CHD1: variants seen among roughly 807,000 people sequenced by gnomAD.
The protein encoded by CHD1 is chromodomain helicase DNA binding protein 1.
Under a neutral mutation model 224.2 loss-of-function variants are expected in CHD1, and 36 were observed. The observed-to-expected ratio is 0.16, with a 90% confidence interval of 0.12 to 0.21. CHD1 has a LOEUF of 0.21. CHD1 is among the 10% of genes least tolerant of loss of function. The probability of loss-of-function intolerance (pLI) is 1.00; values close to 1 mark genes in which losing one functional copy is unlikely to be tolerated. For synonymous variants in CHD1, 668 were observed against 658.3 expected, an observed-to-expected ratio of 1.01 and a Z score of -0.23; for missense variants, 1,378 against 1,994.8, an observed-to-expected ratio of 0.69 and a Z score of 5.89.
At chr5:98,880,278 CTG>C (rs1435424774) in intron 22 of CHD1, among the ~76,000 whole-genome samples, 1 of 152,214 alleles carries the variant, frequency 6.6e-6, no homozygotes, top group Non-Finnish European at 1.5e-5. Flanking sequence ...TGGCTCACGC[CTG>C]TGATTCCAGA....
At position 98,907,286 on chromosome 5, in the gene CHD1, C is replaced by T. The variant is rs916874445; in HGVS notation, c.54-2188G>A. ...TATTTTATTGAGTTGTTCTTTAGTA[C>T]GATAAAGAATATGCAAAAAGAGCTG... On this transcript the variant is annotated intron_variant, in intron 2 of 35. Transcript: ENST00000614616. Among the ~76,000 whole-genome samples, 9 of 152,018 alleles carry T rather than the reference C, an allele frequency of 5.9e-5. No homozygotes were observed. The East Asian group carries it at 9.6e-4, about 16-fold the overall frequency.
At chr5:98,902,858 A>T (rs753050785) in intron 5 of CHD1, 42 bp downstream of exon 5, 1 of 1,253,534 alleles carries the variant, frequency 8.0e-7, no homozygotes, top group Admixed American at 2.0e-5. Flanking sequence ...AATAATCAGG[A>T]TTTTTCTAAA....
intron 2 of CHD1, among the ~76,000 whole-genome samples, chr5:98,916,162 A>G (rs1159717659): frequency 6.6e-6 from 1 of 152,150 alleles, no homozygotes; most frequent in Non-Finnish European, 1.5e-5. Context: ...ACTGCACTCC[A>G]GCCTAGGCAA....
chr5:98,862,891 A>C (rs1227765065), intron 32 of CHD1, among the ~76,000 whole-genome samples: 1 of 152,232 alleles, frequency 6.6e-6, no homozygotes, highest in African/African-American at 2.4e-5. Context: ...CACTAATAAA[A>C]GTAGAGAAGA....
intron 15 of CHD1, among the ~76,000 whole-genome samples, chr5:98,891,943 T>C (rs538962334): frequency 2.0e-4 from 30 of 152,368 alleles, no homozygotes; most frequent in African/African-American, 7.2e-4. Context: ...AAGTATATTC[T>C]TTCAAATGTA....
chr5:98,885,878 AT>A, intron 17 of CHD1: 1 of 450,954 alleles, frequency 2.2e-6, no homozygotes, highest in Non-Finnish European at 3.9e-6. Flanking sequence ...CTGTCATACT[AT>A]TCTGCCTGAG....
At position 98,928,325 on chromosome 5, in the gene CHD1, G is replaced by A. The variant is rs577272122; in HGVS notation, c.-149+214C>T. 3.9e-3 allele frequency among the ~76,000 whole-genome samples: 594 copies of A among 152,154 alleles called. 5 individuals carry two copies. Among genetic ancestry groups the A allele is most frequent in the African/African-American group, 0.014 (573 of 41,548 alleles). On this transcript the variant is annotated intron_variant, in intron 1 of 35. Coordinates refer to ENST00000614616, the MANE Select transcript of CHD1 (RefSeq NM_001270.4). ...AGGCCGGGGCAGGGCCGCCGGGCCG[G>A]CGCAAGGATGCGTTCTGCGGCCCCG...
chr5:98,882,552 T>C (rs555390115), intron 19 of CHD1, among the ~76,000 whole-genome samples: 1 of 152,124 alleles, frequency 6.6e-6, no homozygotes, highest in South Asian at 2.1e-4. Flanking sequence ...TAAAACAAAC[T>C]CTCCAAAATT....
At chr5:98,887,073 G>T (rs547178047) in intron 17 of CHD1, among the ~76,000 whole-genome samples, 5 of 152,034 alleles carry the variant, frequency 3.3e-5, no homozygotes, top group African/African-American at 1.2e-4. Flanking sequence ...ACCACCTGTC[G>T]AACAATTATA....
At chr5:98,921,267 A>C (rs1177943964) in intron 2 of CHD1, among the ~76,000 whole-genome samples, 3 of 152,210 alleles carry the variant, frequency 2.0e-5, no homozygotes, top group Non-Finnish European at 4.4e-5. Context: ...AACGAAACTT[A>C]CCTAGCCTCT....
chr5:98,861,581 G>C (rs1200815042), intron 32 of CHD1, among the ~76,000 whole-genome samples: 2 of 151,670 alleles, frequency 1.3e-5, no homozygotes, highest in African/African-American at 4.8e-5. Flanking sequence ...AAATAGCTGC[G>C]ACCTCTACCT....
chr5:98,921,666 A>C (rs765383757), intron 2 of CHD1, among the ~76,000 whole-genome samples: 3 of 152,170 alleles, frequency 2.0e-5, no homozygotes, highest in Non-Finnish European at 4.4e-5. Flanking sequence ...TATATAACCA[A>C]TCAGTCATCA....
rs138635992 is a variant in CHD1 at position 98,856,460 on chromosome 5, AAGG to A, written c.5050_5052del (p.Pro1684del). The A allele has an allele frequency of 0.26, 414,381 of 1,612,658 alleles. 56,094 individuals carry two copies. Among genetic ancestry groups the A allele is most frequent in the African/African-American group, 0.34 (25,270 of 74,848 alleles). ...TGTTCAAATGGAGATCTGGAGCCAT[AAGG>A]AGATCTCTGATCTAGTGGTGACCTA... On this transcript the variant is annotated inframe_deletion, in exon 36 of 36. Coordinates refer to ENST00000614616, the MANE Select transcript of CHD1 (RefSeq NM_001270.4).
intron 2 of CHD1, among the ~76,000 whole-genome samples, chr5:98,916,206 A>G (rs1752718012): frequency 2.0e-5 from 3 of 152,116 alleles, no homozygotes; most frequent in African/African-American, 7.2e-5. Context: ...AAATAAATAA[A>G]TAAAAGTTCA....
chr5:98,895,863 C>T (rs964061015), intron 12 of CHD1, among the ~76,000 whole-genome samples: 1 of 151,982 alleles, frequency 6.6e-6, no homozygotes, highest in Admixed American at 6.6e-5. Flanking sequence ...GTGGCAAGTT[C>T]TATACCAGAA....
chr5:98,858,850 G>A, intron 34 of CHD1, 114 bp downstream of exon 34: 1 of 566,178 alleles, frequency 1.8e-6, no homozygotes, highest in South Asian at 3.1e-5. Flanking sequence ...TAATATAAAG[G>A]TACTTATAAA....
intron 2 of CHD1, among the ~76,000 whole-genome samples, chr5:98,915,418 T>C (rs1172281430): frequency 6.6e-6 from 1 of 152,246 alleles, no homozygotes; most frequent in Non-Finnish European, 1.5e-5. Context: ...GAAGAGTAAC[T>C]TTTAACATGA....
At chr5:98,882,462 T>A (rs565822874) in intron 19 of CHD1, among the ~76,000 whole-genome samples, 8 of 152,120 alleles carry the variant, frequency 5.3e-5, no homozygotes, top group African/African-American at 1.9e-4. Flanking sequence ...TTATACTCGT[T>A]GCCTTGATTC....
chr5:98,909,580 C>T (rs1462579629), intron 2 of CHD1, among the ~76,000 whole-genome samples: 1 of 152,072 alleles, frequency 6.6e-6, no homozygotes, highest in East Asian at 1.9e-4. Context: ...ATGGTGACAT[C>T]ATTCATCAGT....
Sources: gnomAD v4.1 joint callset for allele counts (sites outside exome capture counted in the v4.1 genomes callset) on GRCh38, gnomAD v4.1.1 for gene constraint, MANE v1.5 for transcripts, NCBI Gene and HGNC (gene_info 2026-07-23, HGNC 2026-07-21) for gene names.